Variants in ADAMTSL3 observed in about 807,000 individuals in gnomAD.
The protein encoded by ADAMTSL3 is ADAMTS-like protein 3.
Under a neutral mutation model 201.7 loss-of-function variants are expected in ADAMTSL3, and 128 were observed. That is an observed-to-expected ratio of 0.63 (90% CI 0.55 to 0.73). The LOEUF (loss-of-function observed/expected upper bound fraction) is 0.73. Ranked by LOEUF, ADAMTSL3 falls within the 30% of genes least tolerant of loss-of-function variation. ADAMTSL3 has a pLI of 0.00. For missense variants in ADAMTSL3, 1,990 were observed against 2,119.6 expected (o/e 0.94, Z 1.20); for synonymous variants, 738 against 748.4 (o/e 0.99, Z 0.23).
At chr15:83,832,168 G>A (rs756881872) in intron 6 of ADAMTSL3, among the ~76,000 whole-genome samples, 7 of 152,076 alleles carry the variant, frequency 4.6e-5, no homozygotes, top group Non-Finnish European at 8.8e-5. Context: ...TAAAGCAAAG[G>A]CATCTTTTTT....
intron 3 of ADAMTSL3, among the ~76,000 whole-genome samples, chr15:83,728,496 T>TA (rs2062215657): frequency 3.3e-5 from 5 of 151,956 alleles, no homozygotes; most frequent in African/African-American, 9.7e-5. Flanking sequence ...TTTTTAATTT[T>TA]TATATATCTG....
chr15:83,858,893 C>T, intron 8 of ADAMTSL3, 53 bp downstream of exon 8: 1 of 1,411,340 alleles, frequency 7.1e-7, no homozygotes, highest in Non-Finnish European at 9.7e-7. Flanking sequence ...TTTAGTTAGC[C>T]AAAAAAAACA....
chr15:83,875,349 T>A (rs886139668), intron 9 of ADAMTSL3, among the ~76,000 whole-genome samples: 1 of 152,218 alleles, frequency 6.6e-6, no homozygotes, highest in African/African-American at 2.4e-5. Flanking sequence ...CTTGCTGTGC[T>A]TAGTCACTGG....
intron 2 of ADAMTSL3, among the ~76,000 whole-genome samples, chr15:83,671,735 C>G (rs2061331977): frequency 6.6e-6 from 1 of 152,174 alleles, no homozygotes; most frequent in African/African-American, 2.4e-5. Context: ...TACTAATTCC[C>G]CTTTAGCTCT....
intron 23 of ADAMTSL3, among the ~76,000 whole-genome samples, chr15:84,004,087 C>T (rs536473994): frequency 1.6e-3 from 245 of 152,266 alleles, no homozygotes; most frequent in South Asian, 1.9e-3. Context: ...GAATTTTGGC[C>T]TCTCTAGTAA....
chr15:83,750,841 C>T (rs1406871860), intron 3 of ADAMTSL3, among the ~76,000 whole-genome samples: 3 of 152,138 alleles, frequency 2.0e-5, no homozygotes, highest in South Asian at 2.1e-4. Context: ...TGAGCCACTG[C>T]GCCCGGCTGG....
At chr15:83,666,051 C>T (rs1428254283) in intron 2 of ADAMTSL3, among the ~76,000 whole-genome samples, 1 of 151,940 alleles carries the variant, frequency 6.6e-6, no homozygotes, top group Non-Finnish European at 1.5e-5. Context: ...TAAGCATCAC[C>T]TTTAATTATA....
At chr15:83,933,675 C>T (rs929613437) in intron 17 of ADAMTSL3, among the ~76,000 whole-genome samples, 1 of 152,332 alleles carries the variant, frequency 6.6e-6, no homozygotes, top group East Asian at 1.9e-4. Flanking sequence ...GTTTTCATGG[C>T]AGCCCCTCCC....
In ADAMTSL3 at chr15:83,893,023, C is replaced by T. The variant is rs2065542049; in HGVS notation, c.1467+135C>T. 5.1e-6 allele frequency: 4 copies of T among 784,818 alleles called. No homozygotes were observed. The South Asian group carries it at 5.7e-5, about 11-fold the overall frequency. The allele number at this position is 784,818 out of a possible 1,614,324, so 48.6% of individuals were successfully genotyped here. On this transcript the variant is annotated intron_variant, in intron 13 of 29. Coordinates refer to ENST00000286744, the MANE Select transcript of ADAMTSL3 (RefSeq NM_207517.3). The stretch of plus-strand genomic sequence containing the variant: ...AGAGCATGGTTCCTACTCCAAAGAG[C>T]TTAGGAAGACAGTTGGAGGACGAGG...
intron 7 of ADAMTSL3, among the ~76,000 whole-genome samples, chr15:83,845,896 A>T (rs930246999): frequency 4.6e-5 from 7 of 151,806 alleles, no homozygotes; most frequent in Non-Finnish European, 1.0e-4. Context: ...TTTTGCACTG[A>T]CCCCCTCATT....
At chr15:83,718,416 A>G (rs1003756623) in intron 3 of ADAMTSL3, among the ~76,000 whole-genome samples, 7 of 152,140 alleles carry the variant, frequency 4.6e-5, no homozygotes, top group Admixed American at 2.0e-4. Flanking sequence ...AATTGGGACA[A>G]TTTGAAGCCA....
At chr15:84,004,967 T>C (rs979523291) in intron 23 of ADAMTSL3, among the ~76,000 whole-genome samples, 3 of 152,198 alleles carry the variant, frequency 2.0e-5, no homozygotes, top group African/African-American at 7.2e-5. Context: ...AAGGCTTTTG[T>C]GCTTTTCTCC....
intron 3 of ADAMTSL3, among the ~76,000 whole-genome samples, chr15:83,769,864 A>G (rs532657407): frequency 6.6e-6 from 1 of 151,402 alleles, no homozygotes; most frequent in South Asian, 2.1e-4. Context: ...GTTCAGTCAC[A>G]TGCTGCAGTT....
chr15:83,870,619 T>C (rs1022393676), intron 8 of ADAMTSL3, among the ~76,000 whole-genome samples, 183 bp from the exon 9 acceptor site: 1 of 152,226 alleles, frequency 6.6e-6, no homozygotes, highest in African/African-American at 2.4e-5. Context: ...TTAGCTCCTT[T>C]TGTTACGGGC....
At chr15:83,727,794 T>C (rs1368418597) in intron 3 of ADAMTSL3, among the ~76,000 whole-genome samples, 1 of 152,082 alleles carries the variant, frequency 6.6e-6, no homozygotes, top group East Asian at 1.9e-4. Flanking sequence ...ATGTGGTCTA[T>C]CCTTGAGAAC....
chr15:84,030,485 C>T (rs1370835220), intron 27 of ADAMTSL3, among the ~76,000 whole-genome samples: 1 of 152,140 alleles, frequency 6.6e-6, no homozygotes, highest in African/African-American at 2.4e-5. Context: ...TTATTTTGGC[C>T]AACTTCTCCC....
At chr15:83,795,278 A>ACAG (rs956962250) in intron 4 of ADAMTSL3, among the ~76,000 whole-genome samples, 4 of 152,084 alleles carry the variant, frequency 2.6e-5, no homozygotes, top group Admixed American at 6.6e-5. Context: ...AACAACAACA[A>ACAG]CAACAACAAC....
chr15:83,969,717 T>C (rs2067156988), intron 19 of ADAMTSL3, among the ~76,000 whole-genome samples: 1 of 152,164 alleles, frequency 6.6e-6, no homozygotes, highest in Non-Finnish European at 1.5e-5. Flanking sequence ...GGTTTCCCCA[T>C]ACTGGGGGAA....
Position 83,983,317 on chromosome 15 carries a change from A to T in ADAMTSL3, c.3689A>T (p.Asp1230Val). The change falls in exon 21 of 30, where the codon GAT (aspartate) becomes GTT (valine). Residue 1230 changes from aspartate to valine, a missense_variant. Transcript: ENST00000286744. ...GAGGCCACATATACATGGACCAAGG[A>T]TGGAACCTTGTTACAGCCCTCAGTA... ...PSEATYTWTK[D>V]GTLLQPSVKI... The T allele has an allele frequency of 6.5e-7, 1 of 1,546,724 alleles. No individual in the cohort carries two copies. The highest frequency in any genetic ancestry group is 8.7e-7 in the Non-Finnish European group (1 of 1,148,564).
Sources: allele counts gnomAD v4.1 joint callset (sites outside exome capture counted in the v4.1 genomes callset), GRCh38; gene constraint gnomAD v4.1.1; transcripts MANE v1.5; gene names NCBI Gene and HGNC (gene_info 2026-07-23, HGNC 2026-07-21).